The following LRRC28 variants were observed in gnomAD, a reference collection of about 807,000 sequenced individuals.
LRRC28 encodes leucine rich repeat containing 28, also known as leucine-rich repeat-containing protein 28.
LRRC28 carries 39 observed loss-of-function variants against 45.7 expected under a neutral mutation model. The observed-to-expected ratio is 0.85, with a 90% CI of 0.66 to 1.12. The LOEUF is 1.12. Among genes scored for constraint, LRRC28 ranks in the 50% most tolerant of loss-of-function variants. The pLI, the probability that LRRC28 is intolerant of heterozygous loss-of-function variation, is 0.00. For synonymous variants in LRRC28, 206 were observed against 178.8 expected (o/e 1.15, Z -1.22); for missense variants, 435 against 438.5 (o/e 0.99, Z 0.07).
chr15:99,312,785 C>T (rs1279287022), intron 5 of LRRC28, among the ~76,000 whole-genome samples: 2 of 152,108 alleles, frequency 1.3e-5, no homozygotes, highest in Non-Finnish European at 1.5e-5. Flanking sequence ...TTGTATGGGA[C>T]CACTGTCTTC....
intron 5 of LRRC28, among the ~76,000 whole-genome samples, chr15:99,296,018 G>C (rs559545173): frequency 2.8e-4 from 42 of 152,342 alleles, no homozygotes; most frequent in African/African-American, 9.9e-4. Flanking sequence ...TGGAGGTGAA[G>C]AGGAGTGGAT....
At chr15:99,296,921 A>G (rs2082279155) in intron 5 of LRRC28, among the ~76,000 whole-genome samples, 1 of 152,184 alleles carries the variant, frequency 6.6e-6, no homozygotes. Context: ...CACAGTGCTG[A>G]GACTTGAAAT....
chr15:99,352,596 C>G (rs1277301873), intron 7 of LRRC28, 125 bp downstream of exon 7: 1 of 692,228 alleles, frequency 1.4e-6, no homozygotes, highest in Non-Finnish European at 2.4e-6. Context: ...GGATATTGGG[C>G]AGGCAGTTTG....
intron 9 of LRRC28, among the ~76,000 whole-genome samples, chr15:99,376,379 G>T (rs191588119): frequency 1.3e-5 from 2 of 152,164 alleles, no homozygotes; most frequent in Non-Finnish European, 2.9e-5. Context: ...AACTTAAATT[G>T]TTCTTCATTC....
At chr15:99,353,914 G>A (rs930936318) in intron 7 of LRRC28, 2 of 152,128 alleles carry the variant, frequency 1.3e-5, no homozygotes, top group South Asian at 2.1e-4. Context: ...TTGACTTGGT[G>A]TCTGGTAGCA....
chr15:99,275,704 G>C (rs1567616221), intron 2 of LRRC28, among the ~76,000 whole-genome samples: 1 of 152,200 alleles, frequency 6.6e-6, no homozygotes, highest in African/African-American at 2.4e-5. Flanking sequence ...GTTTCTCCTT[G>C]CTGGGAGTGG....
At position 99,259,990 on chromosome 15, in the gene LRRC28, G is replaced by A. The variant is rs1283133117; in HGVS notation, c.168+3865G>A. On this transcript the variant is annotated intron_variant, in intron 2 of 9. Coordinates refer to ENST00000301981, the MANE Select transcript of LRRC28 (RefSeq NM_144598.5). ...ATGAAGAAAAACAAGAAACAGCAAA[G>A]GAATCTACAGCTGAAAAAGATGAAT... is the stretch of plus-strand genomic sequence containing the variant. 4.8e-6 allele frequency: 3 copies of A among 626,096 alleles called. No individual in the cohort carries two copies. The African/African-American group carries it at 5.5e-5, about 11-fold the overall frequency. The allele number at this position is 626,096 out of a possible 1,614,324, so 38.8% of individuals were successfully genotyped here.
At chr15:99,349,902 C>T (rs984238973) in intron 6 of LRRC28, among the ~76,000 whole-genome samples, 2 of 151,204 alleles carry the variant, frequency 1.3e-5, no homozygotes, top group Non-Finnish European at 2.9e-5. Context: ...TTTGGGAGGC[C>T]GAGGCGGGTG....
chr15:99,384,406 A>T (rs1361389282), intron 9 of LRRC28: 3 of 152,162 alleles, frequency 2.0e-5, no homozygotes, highest in Non-Finnish European at 4.4e-5. Flanking sequence ...AGCATAAGAG[A>T]CTTAGCATAA....
chr15:99,257,555 G>T, intron 2 of LRRC28: 1 of 513,588 alleles, frequency 1.9e-6, no homozygotes. Flanking sequence ...GAGGTGTGAG[G>T]ATCCAACCCG....
At chr15:99,352,676 A>T (rs1251183783) in intron 7 of LRRC28, 1 of 541,062 alleles carries the variant, frequency 1.8e-6, no homozygotes, top group African/African-American at 1.9e-5. Context: ...ATCCATGTAT[A>T]CCTTTTTTTA....
At chr15:99,278,027 G>A (rs773986738) in intron 3 of LRRC28, among the ~76,000 whole-genome samples, 16 of 151,886 alleles carry the variant, frequency 1.1e-4, no homozygotes, top group Non-Finnish European at 1.9e-4. Context: ...TTATATCCTG[G>A]TATCTTGCTG....
At chr15:99,262,106 T>G (rs2081213607) in intron 2 of LRRC28, among the ~76,000 whole-genome samples, 1 of 152,206 alleles carries the variant, frequency 6.6e-6, no homozygotes, top group Non-Finnish European at 1.5e-5. Flanking sequence ...TTTTCCTTTT[T>G]AATAACAAAA....
intron 1 of LRRC28, among the ~76,000 whole-genome samples, chr15:99,252,451 C>T (rs1260987420): frequency 4.6e-5 from 7 of 152,184 alleles, no homozygotes; most frequent in Non-Finnish European, 8.8e-5. Context: ...GAAGGAAAGC[C>T]GTCAGGTTAC....
chr15:99,285,089 G>A, intron 3 of LRRC28: 1 of 694,132 alleles, frequency 1.4e-6, no homozygotes, highest in Non-Finnish European at 2.7e-6. Flanking sequence ...TGGTATTTCT[G>A]AGTGACAGTC....
At chr15:99,343,950 C>G (rs1213583887) in intron 6 of LRRC28, among the ~76,000 whole-genome samples, 2 of 152,146 alleles carry the variant, frequency 1.3e-5, no homozygotes, top group African/African-American at 4.8e-5. Context: ...TTCACGCTCT[C>G]AAGAGGCCAT....
intron 6 of LRRC28, among the ~76,000 whole-genome samples, chr15:99,351,679 C>T (rs1956883956): frequency 2.0e-5 from 3 of 152,140 alleles, no homozygotes; most frequent in African/African-American, 7.2e-5. Context: ...CCACCTTTGC[C>T]CATGGGAGGT....
At chr15:99,290,746 A>C (rs1426053665) in intron 5 of LRRC28, among the ~76,000 whole-genome samples, 1 of 152,134 alleles carries the variant, frequency 6.6e-6, no homozygotes, top group Non-Finnish European at 1.5e-5. Context: ...GCTTGAAGCC[A>C]GGAGTTCGAG....
intron 3 of LRRC28, among the ~76,000 whole-genome samples, chr15:99,284,377 C>T (rs2152201500): frequency 6.6e-6 from 1 of 152,188 alleles, no homozygotes; most frequent in African/African-American, 2.4e-5. Flanking sequence ...ACATTAAAAC[C>T]CTTTGTTGGA....
Sources: gnomAD v4.1 joint callset for allele counts (sites outside exome capture counted in the v4.1 genomes callset) on GRCh38, gnomAD v4.1.1 for gene constraint, MANE v1.5 for transcripts, NCBI Gene and HGNC (gene_info 2026-07-23, HGNC 2026-07-21) for gene names.